Variants in ZFYVE28 observed in about 807,000 individuals in gnomAD.
ZFYVE28 encodes zinc finger FYVE-type containing 28.
Under a neutral mutation model 82.1 loss-of-function variants are expected in ZFYVE28, and 40 were observed. The ratio of observed to expected loss-of-function variants is 0.49; its 90% CI spans 0.38 to 0.63. ZFYVE28 has a LOEUF of 0.63. ZFYVE28 is among the 30% of genes least tolerant of loss of function. The probability of loss-of-function intolerance (pLI) is 0.00; values close to 1 mark genes in which losing one functional copy is unlikely to be tolerated. For missense variants in ZFYVE28, 1,321 were observed against 1,242.1 expected (o/e 1.06, Z -0.96); for synonymous variants, 612 against 546.1 (o/e 1.12, Z -1.68).
At chr4:2,337,522 G>T in intron 4 of ZFYVE28, 26 bp from the exon 5 acceptor site, 6 of 1,575,990 alleles carry the variant, frequency 3.8e-6, no homozygotes, top group Non-Finnish European at 4.3e-6. Context: ...GACCTGTGAG[G>T]CCGCACCTGG....
At position 2,332,269 on chromosome 4, in the gene ZFYVE28, G is replaced by A. The variant is rs373154556; in HGVS notation, c.701+3436C>T. Among the ~76,000 whole-genome samples, 2 of 152,162 alleles carry A rather than the reference G, an allele frequency of 1.3e-5. No individual in the cohort carries two copies. The highest frequency in any genetic ancestry group is 2.4e-5 in the African/African-American group (1 of 41,422). On this transcript the variant is annotated intron_variant, in intron 6 of 12. Coordinates refer to ENST00000290974, the MANE Select transcript of ZFYVE28 (RefSeq NM_020972.3). This position sits in a 1 kb window ranked among gnomAD's most constrained non-coding sequence, Gnocchi z 4.7. ...CCACTTCACAGAGGCAGGATCCTGC[G>A]AGGGTGTGGGCCCAGGAATGCAGGC...
chr4:2,378,701 A>AT (rs1326170102), intron 1 of ZFYVE28, among the ~76,000 whole-genome samples: 1 of 152,042 alleles, frequency 6.6e-6, no homozygotes, highest in East Asian at 1.9e-4. Context: ...GCTTTCCTGG[A>AT]TTGAGACTAG....
At chr4:2,338,793 G>C (rs1375514802) in intron 4 of ZFYVE28, among the ~76,000 whole-genome samples, 1 of 152,100 alleles carries the variant, frequency 6.6e-6, no homozygotes, top group Non-Finnish European at 1.5e-5. Context: ...CTGAACCTCT[G>C]CGGACACCAT....
chr4:2,411,710 A>G (rs1732537379), intron 1 of ZFYVE28, among the ~76,000 whole-genome samples: 1 of 152,230 alleles, frequency 6.6e-6, no homozygotes. Flanking sequence ...TTTGTAAAAC[A>G]GGGTGCATCA....
intron 8 of ZFYVE28, among the ~76,000 whole-genome samples, chr4:2,301,556 G>C (rs1485293204): frequency 6.6e-6 from 1 of 152,134 alleles, no homozygotes; most frequent in Non-Finnish European, 1.5e-5. Flanking sequence ...GGAAGCTGAG[G>C]CCGCGTTAAG....
rs1021900242 is a variant in ZFYVE28, at chr4:2,320,914, C to T, written c.702-643G>A. On this transcript the variant is annotated intron_variant, in intron 6 of 12. Transcript: ENST00000290974. This position sits in a 1 kb window ranked among gnomAD's most constrained non-coding sequence, Gnocchi z 5.1. Reference sequence around the variant, plus strand: ...TCCTCACTGTCCCTCCCCCAGAGTCCGGCTCAAAGCCTGCTGAAGGACAAG... The same window carrying T: ...TCCTCACTGTCCCTCCCCCAGAGTCTGGCTCAAAGCCTGCTGAAGGACAAG... Among the ~76,000 whole-genome samples the T allele has an allele frequency of 5.3e-5, 8 of 152,164 alleles. No individual in the cohort carries two copies. The highest frequency in any genetic ancestry group is 1.4e-4 in the African/African-American group (6 of 41,432).
rs543042698 is a variant in ZFYVE28 at position 2,361,748 on chromosome 4, C to T, written c.40-7675G>A. On this transcript the variant is annotated intron_variant, in intron 1 of 12. Transcript: ENST00000290974. ...ACTAGGACTCTCTGGCATCTATGTG[C>T]GGTAAGGGGGTAAGGGCCCAGGACT... is the stretch of plus-strand genomic sequence containing the variant. Among the ~76,000 whole-genome samples the T allele has an allele frequency of 4.6e-5, 7 of 152,266 alleles. No homozygotes were observed. In the South Asian group the frequency reaches 8.3e-4, roughly 18 times the overall value.
chr4:2,400,431 C>A (rs13122092), intron 1 of ZFYVE28, among the ~76,000 whole-genome samples: 124 of 151,826 alleles, frequency 8.2e-4, no homozygotes, highest in Non-Finnish European at 1.4e-3. Context: ...AGGCATCTGT[C>A]CCACCGCAAT....
At position 2,271,731 on chromosome 4, in the gene ZFYVE28, T is replaced by C. The variant is rs1422645322; in HGVS notation, c.2372A>G (p.Gln791Arg). The C allele has an allele frequency of 3.1e-6, 5 of 1,613,930 alleles. No homozygotes were observed. Among genetic ancestry groups the C allele is most frequent in the Non-Finnish European group, 4.2e-6 (5 of 1,179,992 alleles). ...CAGTTCAGAGGATGACAGGGTCTCC[T>C]GGCACAGTGCACAGTCCTCCAAGGC... ...SAALEDCALCQETLSSSELAA... is the reference protein window; with the variant it reads ...SAALEDCALCRETLSSSELAA... The change falls in exon 11 of 13, where the codon CAG becomes CGG. Residue 791 changes from glutamine to arginine, a missense_variant. Transcript: ENST00000290974.
rs553755189 is a variant in ZFYVE28 at position 2,279,736 on chromosome 4, A to G, written c.2052-5520T>C. Among the ~76,000 whole-genome samples the G allele has an allele frequency of 4.9e-4, 75 of 151,658 alleles. 1 individual carries two copies. Among genetic ancestry groups the G allele is most frequent in the East Asian group, 3.7e-3 (19 of 5,134 alleles). On this transcript the variant is annotated intron_variant, in intron 8 of 12. Coordinates refer to ENST00000290974, the MANE Select transcript of ZFYVE28 (RefSeq NM_020972.3). ...GCGGAGCTTGCAGTGAGCCGAGATC[A>G]TGCCACTGCACTCCAGCCTGACAAC...
intron 8 of ZFYVE28, among the ~76,000 whole-genome samples, chr4:2,277,832 A>G (rs1383029784): frequency 6.6e-6 from 1 of 152,226 alleles, no homozygotes; most frequent in African/African-American, 2.4e-5. Context: ...AAAAATGGAC[A>G]ATATGATCCT....
chr4:2,365,532 T>C (rs777926321), intron 1 of ZFYVE28, among the ~76,000 whole-genome samples: 3 of 152,082 alleles, frequency 2.0e-5, no homozygotes, highest in Non-Finnish European at 4.4e-5. Context: ...GACTCTCTCC[T>C]GTCCCTTCTT....
chr4:2,313,148 A>G (rs1046033559), intron 7 of ZFYVE28, among the ~76,000 whole-genome samples: 4 of 149,778 alleles, frequency 2.7e-5, no homozygotes, highest in African/African-American at 9.9e-5. Flanking sequence ...CTGGCTCACT[A>G]AAGTCAGAGT....
intron 1 of ZFYVE28, among the ~76,000 whole-genome samples, chr4:2,407,101 C>A (rs1263184676): frequency 7.8e-6 from 1 of 127,552 alleles, no homozygotes; most frequent in Non-Finnish European, 1.7e-5. Flanking sequence ...CATCTACCCA[C>A]TCCCTCCCCG....
chr4:2,273,747 G>A (rs1039070351), intron 9 of ZFYVE28, among the ~76,000 whole-genome samples: 6 of 152,202 alleles, frequency 3.9e-5, no homozygotes, highest in African/African-American at 1.4e-4. Context: ...AGCCTACGTG[G>A]CTGGGAGCCC....
chr4:2,325,633 T>C (rs988182719), intron 6 of ZFYVE28, among the ~76,000 whole-genome samples: 7 of 148,330 alleles, frequency 4.7e-5, no homozygotes, highest in African/African-American at 1.7e-4. Flanking sequence ...ACAGAGTCTC[T>C]TTCCATTGCC....
intron 4 of ZFYVE28, among the ~76,000 whole-genome samples, chr4:2,338,247 G>A (rs984189832): frequency 1.3e-5 from 2 of 152,246 alleles, no homozygotes; most frequent in Non-Finnish European, 2.9e-5. Flanking sequence ...AGACGTGAAG[G>A]CTTGTCCAAC....
rs1325229659 is a variant in ZFYVE28, at chr4:2,320,270, C to T, written c.703G>A (p.Gly235Ser). 6.2e-7 allele frequency: 1 copy of T among 1,613,988 alleles called. No homozygotes were observed. Among genetic ancestry groups the T allele is most frequent in the Non-Finnish European group, 8.5e-7 (1 of 1,179,934 alleles). The change falls in exon 7 of 13, where the codon GGC (glycine) becomes AGC (serine). Residue 235 changes from glycine to serine, a missense_variant and splice_region_variant. This residue lies in a region of ZFYVE28 where 343 missense variants were observed against 408.4 expected (regional missense o/e 0.84). Coordinates refer to ENST00000290974, the MANE Select transcript of ZFYVE28 (RefSeq NM_020972.3). This position sits in a 1 kb window ranked among gnomAD's most constrained non-coding sequence, Gnocchi z 5.1. Reference protein sequence around the residue: ...FSIPRLAIVCGLVVYADGPLN... With the variant: ...FSIPRLAIVCSLVVYADGPLN... ...GGTCCGTCCGCATAGACCACGAGGC[C>T]ACTGCATTTGAGACACAAAAGCCAG...
rs1577970039 is a variant in ZFYVE28 at position 2,300,649 on chromosome 4, C to G, written c.2051+3640G>C. On this transcript the variant is annotated intron_variant, in intron 8 of 12. Transcript: ENST00000290974. This position sits in a 1 kb window ranked among gnomAD's most constrained non-coding sequence, Gnocchi z 4.6. ...GTGGCTGGGAAGCCCTGTCCTTCCT[C>G]CTGGAGGCTGTCGTCTGCCTGGCCA... Among the ~76,000 whole-genome samples, 2 of 152,152 alleles carry G rather than the reference C, an allele frequency of 1.3e-5. No homozygotes were observed. The highest frequency in any genetic ancestry group is 1.3e-4 in the Admixed American group (2 of 15,284).
Sources: gnomAD v4.1 joint callset for allele counts (sites outside exome capture counted in the v4.1 genomes callset) on GRCh38, gnomAD v4.1.1 for gene constraint, gnomAD v4.1.1 regional missense constraint, Gnocchi (gnomAD v3.1) non-coding constraint, MANE v1.5 for transcripts, NCBI Gene and HGNC (gene_info 2026-07-23, HGNC 2026-07-21) for gene names.